SENP7: variants seen among roughly 807,000 people sequenced by gnomAD.
The protein encoded by SENP7 is sentrin-specific protease 7.
A neutral mutation model predicts 141.2 loss-of-function variants in SENP7; 64 were observed. The observed-to-expected ratio is 0.45, with a 90% CI of 0.37 to 0.56. The LOEUF is 0.56. Ranked by LOEUF, SENP7 falls within the 20% of genes least tolerant of loss-of-function variation. The pLI, the probability that SENP7 is intolerant of heterozygous loss-of-function variation, is 0.00. For missense variants in SENP7, 1,025 were observed against 1,212.2 expected, an observed-to-expected ratio of 0.85 and a Z score of 2.29; for synonymous variants, 382 against 426.4, an observed-to-expected ratio of 0.90 and a Z score of 1.28.
At chr3:101,472,728 T>G (rs2064054581) in intron 3 of SENP7, among the ~76,000 whole-genome samples, 1 of 152,042 alleles carries the variant, frequency 6.6e-6, no homozygotes. Context: ...ATAAAAGCAG[T>G]CAGAAAATCA....
Position 101,332,797 on chromosome 3 carries a change from T to C in SENP7, c.2546A>G (p.Asp849Gly). The change falls in exon 18 of 24, where the codon GAT becomes GGT. Residue 849 changes from aspartate (D) to glycine (G), a missense_variant. Coordinates refer to ENST00000394095, the MANE Select transcript of SENP7 (RefSeq NM_020654.5). ...WTRHINIFNK[D>G]YIFVPVNESS... ...CTCATTTACAGGTACAAAGATGTAATCTTTATTAAAAATGTTTATGTGACG... is the reference window on the plus strand; with the variant it reads ...CTCATTTACAGGTACAAAGATGTAACCTTTATTAAAAATGTTTATGTGACG... 1 of 1,559,976 alleles carries C rather than the reference T, an allele frequency of 6.4e-7. No homozygotes were observed. Among genetic ancestry groups the C allele is most frequent in the Non-Finnish European group, 8.6e-7 (1 of 1,159,246 alleles).
intron 4 of SENP7, among the ~76,000 whole-genome samples, chr3:101,427,085 T>C (rs2107695032): frequency 6.6e-6 from 1 of 152,112 alleles, no homozygotes; most frequent in African/African-American, 2.4e-5. Context: ...AATGCAAAAG[T>C]CCTCAACAAA....
chr3:101,486,373 C>T (rs2064730057), intron 3 of SENP7, among the ~76,000 whole-genome samples: 1 of 152,136 alleles, frequency 6.6e-6, no homozygotes, highest in Non-Finnish European at 1.5e-5. Context: ...CACCAGCTAA[C>T]CTATAAGGAA....
chr3:101,502,211 T>C (rs1057424515), intron 1 of SENP7, among the ~76,000 whole-genome samples: 12 of 152,260 alleles, frequency 7.9e-5, no homozygotes, highest in Non-Finnish European at 1.3e-4. Context: ...CTGTGAGATA[T>C]GCCACCTTGA....
At chr3:101,376,442 C>T (rs952816861) in intron 6 of SENP7, among the ~76,000 whole-genome samples, 8 of 152,040 alleles carry the variant, frequency 5.3e-5, no homozygotes, top group African/African-American at 1.9e-4. Flanking sequence ...AGAACTAGTT[C>T]TACTAATTTC....
intron 17 of SENP7, among the ~76,000 whole-genome samples, chr3:101,333,982 T>C (rs2059121955): frequency 6.6e-6 from 1 of 152,148 alleles, no homozygotes; most frequent in Non-Finnish European, 1.5e-5. Flanking sequence ...TAGATTCTCA[T>C]AAGGAGCACG....
chr3:101,398,240 A>G (rs1386826060), intron 6 of SENP7, among the ~76,000 whole-genome samples: 2 of 152,196 alleles, frequency 1.3e-5, no homozygotes. Context: ...CAGGCAGATC[A>G]CAAGGTCAGG....
intron 18 of SENP7, 144 bp from the exon 19 acceptor site, chr3:101,332,253 C>T (rs2059077480): frequency 1.2e-5 from 9 of 761,578 alleles, no homozygotes; most frequent in Middle Eastern, 3.1e-4. Context: ...TAATATAGAG[C>T]ATACATATCA....
chr3:101,457,141 T>C (rs2063380314), intron 4 of SENP7: 1 of 817,288 alleles, frequency 1.2e-6, no homozygotes, highest in Non-Finnish European at 2.0e-6. Context: ...GATCTAGATT[T>C]TATCAGATCC....
At chr3:101,413,943 T>C (rs559599303) in intron 5 of SENP7, among the ~76,000 whole-genome samples, 257 of 152,336 alleles carry the variant, frequency 1.7e-3, no homozygotes, top group African/African-American at 5.8e-3. Flanking sequence ...CAGAAGATTA[T>C]GTGGAGCCAT....
chr3:101,466,146 G>A (rs189336088), intron 3 of SENP7, among the ~76,000 whole-genome samples: 121 of 151,914 alleles, frequency 8.0e-4, no homozygotes, highest in Admixed American at 1.2e-3. Context: ...GCCATAAAGC[G>A]ACCAAATATT....
At chr3:101,461,944 AAT>A (rs1440863092) in intron 3 of SENP7, among the ~76,000 whole-genome samples, 1 of 152,226 alleles carries the variant, frequency 6.6e-6, no homozygotes, top group African/African-American at 2.4e-5. Flanking sequence ...GTTTTTGTGA[AAT>A]ATCTAGAACA....
chr3:101,389,125 T>C (rs1341866670), intron 6 of SENP7, among the ~76,000 whole-genome samples: 2 of 152,096 alleles, frequency 1.3e-5, no homozygotes, highest in African/African-American at 4.8e-5. Context: ...GATTTATTTT[T>C]ATTATTTTAT....
intron 6 of SENP7, among the ~76,000 whole-genome samples, chr3:101,391,429 TAC>T (rs2060813316): frequency 6.8e-6 from 1 of 147,142 alleles, no homozygotes; most frequent in African/African-American, 2.5e-5. Flanking sequence ...ACCACAGAAA[TAC>T]AAAGAATAAT....
chr3:101,452,478 C>T (rs1180345020), intron 4 of SENP7, among the ~76,000 whole-genome samples: 1 of 152,252 alleles, frequency 6.6e-6, no homozygotes, highest in Admixed American at 6.5e-5. Flanking sequence ...TACAAGGCTA[C>T]AGTAACCAAA....
At position 101,380,774 on chromosome 3, in the gene SENP7, A is replaced by G. The variant is rs141359246; in HGVS notation, c.678-8648T>C. ...AAATGTAGACTGAATGTAAAAAGAG[A>G]AGTATCCAGATACATACTATTTACT... On this transcript the variant is annotated intron_variant, in intron 6 of 23. Transcript: ENST00000394095. Among the ~76,000 whole-genome samples the G allele has an allele frequency of 8.3e-4, 127 of 152,268 alleles. 1 individual carries two copies. Among genetic ancestry groups the G allele is most frequent in the East Asian group, 3.5e-3 (18 of 5,188 alleles).
chr3:101,506,974 T>C (rs1201065394), intron 1 of SENP7, among the ~76,000 whole-genome samples: 1 of 149,232 alleles, frequency 6.7e-6, no homozygotes, highest in African/African-American at 2.5e-5. Context: ...AGTAGGAGGA[T>C]AGCCTGAGCC....
At chr3:101,385,226 C>A (rs1185654584) in intron 6 of SENP7, among the ~76,000 whole-genome samples, 1 of 151,808 alleles carries the variant, frequency 6.6e-6, no homozygotes, top group Admixed American at 6.6e-5. Flanking sequence ...AAAAAAAATA[C>A]CTTGAATGTC....
chr3:101,493,520 T>C (rs1177525434), intron 3 of SENP7, among the ~76,000 whole-genome samples: 1 of 152,222 alleles, frequency 6.6e-6, no homozygotes, highest in African/African-American at 2.4e-5. Flanking sequence ...ATAGTTATAT[T>C]ACTCCTTAAA....
Sources: allele counts gnomAD v4.1 joint callset (sites outside exome capture counted in the v4.1 genomes callset), GRCh38; gene constraint gnomAD v4.1.1; transcripts MANE v1.5; gene names NCBI Gene and HGNC (gene_info 2026-07-23, HGNC 2026-07-21).